The following CFAP20DC variants were observed in gnomAD, a reference collection of about 807,000 sequenced individuals.
The protein encoded by CFAP20DC is CFAP20 domain containing.
In CFAP20DC, 84 loss-of-function variants were observed where a neutral mutation model predicts 101.7. The observed-to-expected ratio is 0.83, with a 90% CI of 0.69 to 0.99. The LOEUF (loss-of-function observed/expected upper bound fraction) is 0.99. CFAP20DC is among the 50% of genes least tolerant of loss of function. The probability of loss-of-function intolerance (pLI) is 0.00; values close to 1 mark genes in which losing one functional copy is unlikely to be tolerated. For missense variants in CFAP20DC, 1,007 were observed against 970.3 expected (o/e 1.04, Z -0.50); for synonymous variants, 359 against 351.2 (o/e 1.02, Z -0.25).
At position 58,982,644 on chromosome 3, in the gene CFAP20DC, G is replaced by A. The variant is rs149353475; in HGVS notation, c.279-44882C>T. On this transcript the variant is annotated intron_variant, in intron 4 of 16. Coordinates refer to ENST00000482387, the MANE Select transcript of CFAP20DC (RefSeq NM_001394063.1). ...ACACCGCATGTTCTCACTCATAGGC[G>A]GGAATTGAACAATGAGAACACATGG... Among the ~76,000 whole-genome samples, 962 of 144,050 alleles carry A rather than the reference G, an allele frequency of 6.7e-3. 16 individuals carry two copies. The highest frequency in any genetic ancestry group is 0.024 in the African/African-American group (929 of 38,786). The allele number at this position is 144,050 out of a possible 152,430, so 94.5% of individuals were successfully genotyped here.
chr3:58,967,552 A>G (rs931528598), intron 4 of CFAP20DC, among the ~76,000 whole-genome samples: 2 of 152,234 alleles, frequency 1.3e-5, no homozygotes, highest in African/African-American at 4.8e-5. Context: ...AAAGGATGCT[A>G]TCAAGAAAGT....
chr3:58,909,377 T>C (rs1462997912), intron 6 of CFAP20DC, among the ~76,000 whole-genome samples: 1 of 152,202 alleles, frequency 6.6e-6, no homozygotes, highest in Non-Finnish European at 1.5e-5. Flanking sequence ...TATATTACGA[T>C]ATTTCTTCTC....
chr3:58,780,359 G>C (rs1442863879), intron 15 of CFAP20DC, among the ~76,000 whole-genome samples: 2 of 152,040 alleles, frequency 1.3e-5, no homozygotes, highest in African/African-American at 4.8e-5. Context: ...ATGGTAAATA[G>C]TAAGAGCAAA....
At chr3:58,877,437 G>A (rs1467946185) in intron 7 of CFAP20DC, among the ~76,000 whole-genome samples, 1 of 152,208 alleles carries the variant, frequency 6.6e-6, no homozygotes, top group Non-Finnish European at 1.5e-5. Context: ...TGGGGTCAGA[G>A]AAATAATGTT....
chr3:58,973,748 A>T (rs2092097579), intron 4 of CFAP20DC, among the ~76,000 whole-genome samples: 2 of 152,196 alleles, frequency 1.3e-5, no homozygotes, highest in Admixed American at 6.5e-5. Context: ...GAGGAAACAA[A>T]GGGATGGTTA....
intron 16 of CFAP20DC, among the ~76,000 whole-genome samples, chr3:58,745,581 G>T (rs2068135139): frequency 6.6e-6 from 1 of 152,100 alleles, no homozygotes; most frequent in Non-Finnish European, 1.5e-5. Context: ...TATTTGGTAG[G>T]GTTTTGAGGA....
chr3:58,808,277 T>C (rs2074285079), intron 14 of CFAP20DC, among the ~76,000 whole-genome samples: 1 of 151,850 alleles, frequency 6.6e-6, no homozygotes, highest in Non-Finnish European at 1.5e-5. Flanking sequence ...TTCACCAAAG[T>C]TGAAATGAAG....
intron 5 of CFAP20DC, among the ~76,000 whole-genome samples, chr3:58,919,938 C>T (rs913061733): frequency 2.0e-5 from 3 of 152,048 alleles, no homozygotes; most frequent in East Asian, 1.9e-4. Flanking sequence ...TAAATGATGA[C>T]GTTGTTTGCA....
rs2093312391 is a variant in CFAP20DC at position 59,001,555 on chromosome 3, G to A, written c.278+38002C>T. ...GCCTCCCGAATAGCTGGGATTATAG[G>A]CATGCGCCACCACGCCCAGCTAATT... On this transcript the variant is annotated intron_variant, in intron 4 of 16. Transcript: ENST00000482387. The surrounding 1 kb of genome is among the most constrained non-coding windows in gnomAD (Gnocchi z 4.5). Among the ~76,000 whole-genome samples the A allele has an allele frequency of 6.6e-6, 1 of 152,174 alleles. No individual in the cohort carries two copies. Among genetic ancestry groups the A allele is most frequent in the Non-Finnish European group, 1.5e-5 (1 of 68,022 alleles).
chr3:58,851,807 T>A (rs1001091475), intron 12 of CFAP20DC, among the ~76,000 whole-genome samples: 3 of 151,824 alleles, frequency 2.0e-5, no homozygotes, highest in Non-Finnish European at 4.4e-5. Flanking sequence ...TCAGAAGGAG[T>A]CAAACCAGGG....
chr3:58,948,250 T>C (rs2107975079), intron 4 of CFAP20DC, among the ~76,000 whole-genome samples: 1 of 152,388 alleles, frequency 6.6e-6, no homozygotes, highest in South Asian at 2.1e-4. Flanking sequence ...CCTTTGCTTA[T>C]GCACTTCCCT....
chr3:58,846,780 G>T (rs1171597656), intron 13 of CFAP20DC, among the ~76,000 whole-genome samples: 2 of 146,556 alleles, frequency 1.4e-5, no homozygotes, highest in Admixed American at 6.8e-5. Context: ...CAAGGCTACA[G>T]TAACCAAAAC....
chr3:58,745,273 A>T (rs2068115041), intron 16 of CFAP20DC, among the ~76,000 whole-genome samples: 1 of 152,188 alleles, frequency 6.6e-6, no homozygotes, highest in Non-Finnish European at 1.5e-5. Context: ...AGTTTGGACT[A>T]CTTGAGAGAA....
At position 58,788,806 on chromosome 3, in the gene CFAP20DC, C is replaced by T. The variant is rs2072603886; in HGVS notation, c.2237+17589G>A. On this transcript the variant is annotated intron_variant, in intron 15 of 16. Coordinates refer to ENST00000482387, the MANE Select transcript of CFAP20DC (RefSeq NM_001394063.1). The surrounding 1 kb of genome is among the most constrained non-coding windows in gnomAD (Gnocchi z 4.2). The stretch of plus-strand genomic sequence containing the variant: ...TGGAATATGGGAATAAGAGAACTGA[C>T]CCTACTGGGTTGTAGCAGGGATTAA... 1.3e-5 allele frequency among the ~76,000 whole-genome samples: 2 copies of T among 152,092 alleles called. No homozygotes were observed. Among genetic ancestry groups the T allele is most frequent in the South Asian group, 2.1e-4 (1 of 4,824 alleles).
At chr3:58,790,697 G>T (rs1318378932) in intron 15 of CFAP20DC, among the ~76,000 whole-genome samples, 3 of 152,176 alleles carry the variant, frequency 2.0e-5, no homozygotes, top group African/African-American at 7.2e-5. Flanking sequence ...TTTAAGCAAT[G>T]TACTATACTA....
At chr3:58,805,847 C>A (rs557330079) in intron 15 of CFAP20DC, among the ~76,000 whole-genome samples, 40 of 152,112 alleles carry the variant, frequency 2.6e-4, no homozygotes, top group Admixed American at 1.2e-3. Flanking sequence ...ATGACTCATA[C>A]ACCAATGACA....
intron 4 of CFAP20DC, among the ~76,000 whole-genome samples, chr3:58,994,750 G>T (rs1007304241): frequency 3.3e-5 from 5 of 151,388 alleles, no homozygotes; most frequent in Non-Finnish European, 7.4e-5. Context: ...CATGCAATTA[G>T]CAGGAAGAGG....
chr3:58,762,421 CTGTG>C (rs2069723821), intron 15 of CFAP20DC, among the ~76,000 whole-genome samples: 1 of 152,092 alleles, frequency 6.6e-6, no homozygotes, highest in Admixed American at 6.6e-5. Flanking sequence ...TATTTTGAGC[CTGTG>C]TGTGTCTCTG....
Position 58,796,969 on chromosome 3 carries a change from G to T in CFAP20DC, c.2237+9426C>A, listed in dbSNP as rs115478121. Among the ~76,000 whole-genome samples the T allele has an allele frequency of 2.1e-3, 316 of 152,250 alleles. 2 individuals carry two copies. The highest frequency in any genetic ancestry group is 7.4e-3 in the African/African-American group (308 of 41,536). On this transcript the variant is annotated intron_variant, in intron 15 of 16. Transcript: ENST00000482387. ...ATATAAGATGGCAAATTTAGTAAATGCGGTTTGTATTCTGACTAATTCCAC... is the reference window on the plus strand; with the variant it reads ...ATATAAGATGGCAAATTTAGTAAATTCGGTTTGTATTCTGACTAATTCCAC...
Sources: allele counts gnomAD v4.1 joint callset (sites outside exome capture counted in the v4.1 genomes callset), GRCh38; gene constraint gnomAD v4.1.1; non-coding constraint Gnocchi (gnomAD v3.1); transcripts MANE v1.5; gene names NCBI Gene and HGNC (gene_info 2026-07-23, HGNC 2026-07-21).